SLC2A7: variants seen among roughly 807,000 people sequenced by gnomAD.
SLC2A7 encodes the protein solute carrier family 2, facilitated glucose transporter member 7.
In SLC2A7, 50 loss-of-function variants were observed where a neutral mutation model predicts 50.5. That is an observed-to-expected ratio of 0.99 (90% CI 0.79 to 1.25). The LOEUF is 1.25. Ranked by LOEUF, SLC2A7 falls within the 50% of genes most tolerant of loss-of-function variation. The probability of loss-of-function intolerance (pLI) is 0.00; values close to 1 mark genes in which losing one functional copy is unlikely to be tolerated. For synonymous variants in SLC2A7, 308 were observed against 300.4 expected (o/e 1.03, Z -0.26); for missense variants, 683 against 679.1 (o/e 1.01, Z -0.06).
the SLC2A7 span, among the ~76,000 whole-genome samples, chr1:8,994,464 G>A: frequency 4.0e-5 from 6 of 151,876 alleles, no homozygotes; most frequent in African/African-American, 7.3e-5. Context: ...AAAGACACGC[G>A]GGGAGAGGCT....
rs912507745 is a variant in SLC2A7, at chr1:9,008,423, C to G, written c.1117-1038G>C. On this transcript the variant is annotated intron_variant, in intron 9 of 11. Coordinates refer to ENST00000400906, the MANE Select transcript of SLC2A7 (RefSeq NM_207420.3). The surrounding 1 kb of genome is among the most constrained non-coding windows in gnomAD (Gnocchi z 5.9). ...CGCCCTGGACCCGGTGTGAAGCGAG[C>G]AGCTGCTGCTGCATTTTCAGGCAGA... Among the ~76,000 whole-genome samples the G allele has an allele frequency of 3.3e-5, 5 of 152,190 alleles. No homozygotes were observed. Among genetic ancestry groups the G allele is most frequent in the Admixed American group, 1.3e-4 (2 of 15,278 alleles).
chr1:9,020,555 C>T (rs1362136065), intron 3 of SLC2A7, among the ~76,000 whole-genome samples: 1 of 144,844 alleles, frequency 6.9e-6, no homozygotes, highest in African/African-American at 2.6e-5. Context: ...CCTGTGCCCC[C>T]CCCCACCCCC....
downstream of SLC2A7, among the ~76,000 whole-genome samples, chr1:9,000,484 T>A (rs544693085): frequency 1.6e-3 from 248 of 151,522 alleles, no homozygotes; most frequent in African/African-American, 5.8e-3. Context: ...CTGGGTGTGG[T>A]GGTGCGCACC....
chr1:9,014,919 G>A (rs1233071043), intron 6 of SLC2A7, 51 bp from the exon 7 acceptor site: 1 of 1,527,014 alleles, frequency 6.5e-7, no homozygotes, highest in Non-Finnish European at 8.8e-7. Flanking sequence ...TGCAGGCTGG[G>A]CCCCAAGCCC....
chr1:9,011,386 G>T (rs1273453640), intron 8 of SLC2A7, among the ~76,000 whole-genome samples: 1 of 152,292 alleles, frequency 6.6e-6, no homozygotes, highest in African/African-American at 2.4e-5. Context: ...GGGCACAGTG[G>T]CTCACACCTG....
downstream of SLC2A7, among the ~76,000 whole-genome samples, chr1:8,998,405 A>AAAAT (rs920756505): frequency 5.3e-5 from 8 of 152,156 alleles, no homozygotes; most frequent in Non-Finnish European, 1.0e-4. Flanking sequence ...ATTCCATCTC[A>AAAAT]AAATAAATAA....
intron 7 of SLC2A7, 95 bp from the exon 8 acceptor site, chr1:9,013,730 G>A: frequency 9.1e-7 from 1 of 1,098,490 alleles, no homozygotes; most frequent in South Asian, 1.5e-5. Context: ...CTGCAAGCCT[G>A]GGTTGGGGAC....
At chr1:9,020,125 G>A (rs1239710940) in intron 3 of SLC2A7, among the ~76,000 whole-genome samples, 1 of 152,160 alleles carries the variant, frequency 6.6e-6, no homozygotes, top group Non-Finnish European at 1.5e-5. Flanking sequence ...TGGGAAGAAG[G>A]GGCGAATGGG....
In SLC2A7 at chr1:9,010,193, C is replaced by A; in HGVS notation, c.1066G>T (p.Gly356Cys). The A allele has an allele frequency of 1.3e-6, 2 of 1,551,982 alleles. No individual in the cohort carries two copies. Among genetic ancestry groups the A allele is most frequent in the South Asian group, 1.2e-5 (1 of 84,076 alleles). Residue 356 changes from glycine (G) to cysteine (C), a missense_variant, in exon 9 of 12, where the codon GGC becomes TGC. Transcript: ENST00000400906. ...ACCAGGCAGGCAGAGCCGCAGATGC[C>A]GTAGCCGGCCAGCAGGAGGTGCCGC... ...GRRHLLLAGY[G>C]ICGSACLVLT... is the part of the protein sequence containing the mutation.
At chr1:9,014,995 C>T (rs527732606) in intron 6 of SLC2A7, 122 bp downstream of exon 6, 18 of 1,517,032 alleles carry the variant, frequency 1.2e-5, no homozygotes, top group South Asian at 1.0e-4. Context: ...GCCACCCCCC[C>T]ACCCCGTTCA....
intron 5 of SLC2A7, 134 bp downstream of exon 5, chr1:9,018,089 C>T: frequency 8.1e-7 from 1 of 1,239,582 alleles, no homozygotes; most frequent in Non-Finnish European, 1.1e-6. Flanking sequence ...TCACCCATCC[C>T]TTTGCCCACC....
At chr1:9,013,478 C>A in intron 8 of SLC2A7, 47 bp downstream of exon 8, 2 of 1,561,246 alleles carry the variant, frequency 1.3e-6, no homozygotes, top group Non-Finnish European at 1.8e-6. Flanking sequence ...CCTGGCGGCA[C>A]CTGGCCAGAG....
intron 5 of SLC2A7, among the ~76,000 whole-genome samples, chr1:9,015,973 C>T (rs1640824894): frequency 6.6e-6 from 1 of 151,902 alleles, no homozygotes; most frequent in Admixed American, 6.6e-5. Context: ...TCAAATGATC[C>T]TCCTGCCTTG....
chr1:9,016,185 G>A (rs528365605), intron 5 of SLC2A7, among the ~76,000 whole-genome samples: 2 of 152,314 alleles, frequency 1.3e-5, no homozygotes, highest in South Asian at 4.1e-4. Context: ...TACTGTTAAC[G>A]ATCTTTCATG....
chr1:9,010,302 G>A, intron 8 of SLC2A7, 58 bp from the exon 9 acceptor site: 3 of 1,416,384 alleles, frequency 2.1e-6, no homozygotes, highest in Admixed American at 2.0e-5. Flanking sequence ...CGGTTCTTGG[G>A]CCGAGCCTCC....
Position 9,026,422 on chromosome 1 carries a change from C to G in SLC2A7, c.-77G>C. On this transcript the variant is annotated 5_prime_UTR_variant, in exon 1 of 12. Transcript: ENST00000400906. ...TCTGCGCCAGCCACCTAAAGACCGGCTGTTTCTCCCCTGGGCCTACCTGGC... is the reference window on the plus strand; with the variant it reads ...TCTGCGCCAGCCACCTAAAGACCGGGTGTTTCTCCCCTGGGCCTACCTGGC... 1 of 1,420,500 alleles carries G rather than the reference C, an allele frequency of 7.0e-7. No homozygotes were observed. Among genetic ancestry groups the G allele is most frequent in the Non-Finnish European group, 9.5e-7 (1 of 1,047,476 alleles). 88.0% of individuals were successfully genotyped at this position (1,420,500 alleles called of 1,614,324 possible).
At position 9,013,524 on chromosome 1, in the gene SLC2A7, C is replaced by A. The variant is rs369072945; in HGVS notation, c.1014+1G>T. 1 of 1,612,840 alleles carries A rather than the reference C, an allele frequency of 6.2e-7. No homozygotes were observed. The highest frequency in any genetic ancestry group is 1.1e-5 in the South Asian group (1 of 90,982). On this transcript the variant is annotated splice_donor_variant, in intron 8 of 11. Coordinates refer to ENST00000400906, the MANE Select transcript of SLC2A7 (RefSeq NM_207420.3). LOFTEE classifies it high-confidence loss of function. ...AGGAAGGATGCCTCCTGCTCACTCA[C>A]CGAGGTGATGGTCATCACTATGTTG...
chr1:9,014,826 A>G lies in SLC2A7; in HGVS notation c.758T>C (p.Leu253Pro). ...LRGHTDMEAE[L>P]EDMRAEARAE... Reference sequence around the variant, plus strand: ...CCGGGCCTCCGCACGCATGTCCTCCAGCTCGGCCTCCATGTCCGTGTGGCC... The same window carrying G: ...CCGGGCCTCCGCACGCATGTCCTCCGGCTCGGCCTCCATGTCCGTGTGGCC... Residue 253 changes from leucine to proline, a missense_variant, in exon 7 of 12, where the codon CTG (leucine) becomes CCG (proline). Coordinates refer to ENST00000400906, the MANE Select transcript of SLC2A7 (RefSeq NM_207420.3). The G allele has an allele frequency of 1.2e-6, 2 of 1,605,832 alleles. No homozygotes were observed. The highest frequency in any genetic ancestry group is 1.7e-6 in the Non-Finnish European group (2 of 1,177,014).
chr1:9,004,624 G>T, intron 11 of SLC2A7, 128 bp downstream of exon 11: 1 of 1,182,912 alleles, frequency 8.5e-7, no homozygotes. Context: ...GTGTGTCTGT[G>T]GACCCTTGGA....
Sources: gnomAD v4.1 joint callset for allele counts (sites outside exome capture counted in the v4.1 genomes callset) on GRCh38, gnomAD v4.1.1 for gene constraint, Gnocchi (gnomAD v3.1) non-coding constraint, MANE v1.5 for transcripts, NCBI Gene and HGNC (gene_info 2026-07-23, HGNC 2026-07-21) for gene names.